The following LIPA variants were observed in gnomAD, a reference collection of about 807,000 sequenced individuals.
The protein encoded by LIPA is lysosomal acid lipase/cholesteryl ester hydrolase.
A neutral mutation model predicts 40.6 loss-of-function variants in LIPA; 26 were observed. The observed-to-expected ratio is 0.64, with a 90% CI of 0.47 to 0.89. LIPA has a LOEUF of 0.89. Ranked by LOEUF, LIPA falls within the 40% of genes least tolerant of loss-of-function variation. LIPA has a pLI of 0.00. For synonymous variants in LIPA, 188 were observed against 168.4 expected, an observed-to-expected ratio of 1.12 and a Z score of -0.90; for missense variants, 455 against 479.6, an observed-to-expected ratio of 0.95 and a Z score of 0.48.
chr10:89,281,263 G>GC (rs944289567), intron 1 of LIPA, among the ~76,000 whole-genome samples: 4 of 151,840 alleles, frequency 2.6e-5, no homozygotes, highest in South Asian at 2.1e-4. Flanking sequence ...TATCAAGAAT[G>GC]CCCCCCCACC....
chr10:89,242,454 G>A (rs1476267305), intron 3 of LIPA, among the ~76,000 whole-genome samples: 1 of 152,186 alleles, frequency 6.6e-6, no homozygotes, highest in Non-Finnish European at 1.5e-5. Context: ...AAACCACATA[G>A]GATGAATGAG....
intron 1 of LIPA, among the ~76,000 whole-genome samples, chr10:89,319,734 C>A (rs1843561035): frequency 6.6e-6 from 1 of 152,172 alleles, no homozygotes; most frequent in African/African-American, 2.4e-5. Context: ...CATCCTGATA[C>A]CAAAGCCTGG....
At chr10:89,308,384 G>A (rs1215676590) in intron 1 of LIPA, 3 of 152,060 alleles carry the variant, frequency 2.0e-5, no homozygotes, top group Admixed American at 6.5e-5. Context: ...GGTTTGAGAC[G>A]GTAGGAAAGC....
chr10:89,405,129 G>A (rs1844509646), intron 2 of LIPA: 2 of 152,182 alleles, frequency 1.3e-5, no homozygotes, highest in African/African-American at 4.8e-5. Context: ...TAGCAGTACA[G>A]AGTCAATTAA....
At chr10:89,413,861 C>G (rs560184272) in intron 1 of LIPA, among the ~76,000 whole-genome samples, 1 of 151,832 alleles carries the variant, frequency 6.6e-6, no homozygotes, top group South Asian at 2.1e-4. Context: ...AAGGGTAAGG[C>G]CCGTGTCTGT....
At chr10:89,402,821 G>A (rs767425117) in intron 2 of LIPA, 23 of 1,614,072 alleles carry the variant, frequency 1.4e-5, no homozygotes, top group African/African-American at 5.3e-5. Flanking sequence ...CTGGGTATGC[G>A]ATCTCTGCCT....
intron 2 of LIPA, among the ~76,000 whole-genome samples, chr10:89,398,199 G>A (rs980989623): frequency 2.8e-4 from 42 of 152,210 alleles, no homozygotes; most frequent in Non-Finnish European, 6.0e-4. Flanking sequence ...GAAGGCAGCT[G>A]TTCTATAACT....
At chr10:89,401,334 T>A (rs1844420310) in intron 2 of LIPA, among the ~76,000 whole-genome samples, 1 of 152,126 alleles carries the variant, frequency 6.6e-6, no homozygotes. Flanking sequence ...GTTGGTCAGC[T>A]GGTCTCAAAC....
At chr10:89,286,579 T>A (rs1843342451) in intron 1 of LIPA, among the ~76,000 whole-genome samples, 1 of 152,224 alleles carries the variant, frequency 6.6e-6, no homozygotes, top group Admixed American at 6.5e-5. Flanking sequence ...GCGTTTAGGC[T>A]CTTTTTCATC....
intron 2 of LIPA, among the ~76,000 whole-genome samples, chr10:89,371,516 G>C (rs925952433): frequency 1.3e-5 from 2 of 152,184 alleles, no homozygotes; most frequent in African/African-American, 4.8e-5. Flanking sequence ...AATCAAATAT[G>C]TTCTAATCTG....
chr10:89,302,774 T>C, intron 1 of LIPA, among the ~76,000 whole-genome samples: 1 of 152,146 alleles, frequency 6.6e-6, no homozygotes. Context: ...AACATGAGAC[T>C]GCCCTGGAGA....
chr10:89,235,146 A>G (rs1394535196), intron 3 of LIPA, among the ~76,000 whole-genome samples: 2 of 152,220 alleles, frequency 1.3e-5, no homozygotes, highest in African/African-American at 4.8e-5. Context: ...TAGTAGATGG[A>G]GGGGGATAGG....
chr10:89,231,138 T>C (rs1192523090), intron 3 of LIPA, among the ~76,000 whole-genome samples: 1 of 152,186 alleles, frequency 6.6e-6, no homozygotes, highest in Non-Finnish European at 1.5e-5. Context: ...AATTATAGAC[T>C]ACTCTAAATT....
chr10:89,231,145 A>G (rs1034659560), intron 3 of LIPA, among the ~76,000 whole-genome samples: 1 of 152,240 alleles, frequency 6.6e-6, no homozygotes, highest in Non-Finnish European at 1.5e-5. Context: ...GACTACTCTA[A>G]ATTACAGCTG....
At chr10:89,319,989 C>T (rs1320674130) in intron 1 of LIPA, among the ~76,000 whole-genome samples, 2 of 152,138 alleles carry the variant, frequency 1.3e-5, no homozygotes, top group Non-Finnish European at 2.9e-5. Flanking sequence ...TCAATAGATG[C>T]AGAAAAGGCC....
intron 2 of LIPA, among the ~76,000 whole-genome samples, chr10:89,376,896 G>A (rs1218607105): frequency 2.0e-5 from 3 of 152,186 alleles, no homozygotes; most frequent in Non-Finnish European, 4.4e-5. Flanking sequence ...CCAGGACAAA[G>A]AAGAAATAGC....
At chr10:89,266,780 G>C (rs1843238370) in intron 1 of LIPA, among the ~76,000 whole-genome samples, 1 of 152,204 alleles carries the variant, frequency 6.6e-6, no homozygotes, top group Non-Finnish European at 1.5e-5. Flanking sequence ...AGCAAGAATG[G>C]TCTACAAAGT....
intron 2 of LIPA, among the ~76,000 whole-genome samples, chr10:89,378,722 A>G (rs747803617): frequency 8.5e-5 from 13 of 152,240 alleles, no homozygotes; most frequent in Non-Finnish European, 1.6e-4. Flanking sequence ...AATGTAGGAA[A>G]GTAGATTCAG....
intron 3 of LIPA, among the ~76,000 whole-genome samples, chr10:89,236,922 A>G (rs1036484397): frequency 6.6e-6 from 1 of 152,224 alleles, no homozygotes; most frequent in African/African-American, 2.4e-5. Context: ...CTAAAGTTGG[A>G]GAATTTAATG....
Sources: allele counts gnomAD v4.1 joint callset (sites outside exome capture counted in the v4.1 genomes callset), GRCh38; gene constraint gnomAD v4.1.1; transcripts MANE v1.5; gene names NCBI Gene and HGNC (gene_info 2026-07-23, HGNC 2026-07-21).